Variants in INPP5K observed in about 807,000 individuals in gnomAD.
The protein encoded by INPP5K is inositol polyphosphate 5-phosphatase K.
INPP5K carries 35 observed loss-of-function variants against 53.5 expected under a neutral mutation model. The observed-to-expected ratio is 0.65, with a 90% CI of 0.50 to 0.87. The LOEUF is 0.87. INPP5K is among the 40% of genes least tolerant of loss of function. INPP5K has a pLI of 0.00. For missense variants in INPP5K, 550 were observed against 586.2 expected (o/e 0.94, Z 0.64); for synonymous variants, 253 against 232.8 (o/e 1.09, Z -0.79).
intron 1 of INPP5K, among the ~76,000 whole-genome samples, chr17:1,515,191 G>C (rs772431258): frequency 1.3e-5 from 2 of 152,172 alleles, no homozygotes; most frequent in Non-Finnish European, 1.5e-5. Flanking sequence ...TTACAGGCCT[G>C]AGCCACCGCG....
intron 3 of INPP5K, 109 bp from the exon 4 acceptor site, chr17:1,509,908 C>T (rs1187737208): frequency 4.4e-6 from 3 of 675,094 alleles, no homozygotes; most frequent in South Asian, 1.8e-5. Context: ...CATGCAGTGT[C>T]CTGCTCCAGG....
chr17:1,502,077 C>T (rs576648448), intron 7 of INPP5K, among the ~76,000 whole-genome samples: 20 of 150,856 alleles, frequency 1.3e-4, no homozygotes, highest in Non-Finnish European at 2.2e-4. Flanking sequence ...GGGCCAGGCA[C>T]GGTGGCTCAC....
At chr17:1,516,071 G>C (rs910402543) in intron 1 of INPP5K, 58 of 1,104,190 alleles carry the variant, frequency 5.3e-5, no homozygotes, top group Non-Finnish European at 6.1e-5. Flanking sequence ...TCTGATTTCG[G>C]ATTCCCGGGG....
intron 9 of INPP5K, 108 bp from the exon 10 acceptor site, chr17:1,496,510 C>T (rs1019681848): frequency 3.0e-6 from 4 of 1,318,258 alleles, no homozygotes; most frequent in Non-Finnish European, 4.3e-6. Context: ...TACTGTGTGC[C>T]TCCCCGCCGC....
intron 5 of INPP5K, 58 bp from the exon 6 acceptor site, chr17:1,508,284 C>G (rs1037668526): frequency 1.4e-5 from 19 of 1,368,646 alleles, no homozygotes; most frequent in Non-Finnish European, 1.8e-5. Context: ...GAAGGGAGAT[C>G]ACCAGGTGGC....
chr17:1,513,186 A>C (rs2075348331), intron 3 of INPP5K, among the ~76,000 whole-genome samples: 1 of 152,170 alleles, frequency 6.6e-6, no homozygotes, highest in South Asian at 2.1e-4. Flanking sequence ...GGTGATGACA[A>C]GCCCTGCTGC....
intron 7 of INPP5K, among the ~76,000 whole-genome samples, chr17:1,505,143 T>C (rs1352791248): frequency 6.8e-6 from 1 of 147,830 alleles, no homozygotes; most frequent in African/African-American, 2.5e-5. Flanking sequence ...TTAAAGAGGA[T>C]TTTTTTTTTT....
At chr17:1,512,490 C>A (rs545379897) in intron 3 of INPP5K, among the ~76,000 whole-genome samples, 78 of 152,230 alleles carry the variant, frequency 5.1e-4, no homozygotes, top group South Asian at 1.5e-3. Flanking sequence ...TGCCTCAGTA[C>A]CCCCAGGCAA....
intron 3 of INPP5K, 25 bp downstream of exon 3, chr17:1,513,428 A>T: frequency 6.4e-7 from 1 of 1,566,976 alleles, no homozygotes; most frequent in Non-Finnish European, 8.8e-7. Context: ...CACAGTTGTC[A>T]AGTGCCAATG....
intron 7 of INPP5K, among the ~76,000 whole-genome samples, chr17:1,500,472 C>T (rs1039869119): frequency 6.6e-6 from 1 of 151,830 alleles, no homozygotes; most frequent in Non-Finnish European, 1.5e-5. Flanking sequence ...TCATGCAATT[C>T]TCCTGCCTCA....
intron 7 of INPP5K, among the ~76,000 whole-genome samples, chr17:1,502,473 T>C (rs1205085325): frequency 6.6e-6 from 1 of 152,184 alleles, no homozygotes; most frequent in African/African-American, 2.4e-5. Flanking sequence ...TGTAAGGGTC[T>C]TCCCCAAGCC....
chr17:1,512,493 C>A (rs955388798), intron 3 of INPP5K, among the ~76,000 whole-genome samples: 1 of 152,134 alleles, frequency 6.6e-6, no homozygotes, highest in African/African-American at 2.4e-5. Flanking sequence ...CTCAGTACCC[C>A]CAGGCAAACT....
chr17:1,511,186 C>T (rs2075298641), intron 3 of INPP5K, among the ~76,000 whole-genome samples: 1 of 152,186 alleles, frequency 6.6e-6, no homozygotes, highest in South Asian at 2.1e-4. Flanking sequence ...AGTGCCTCCT[C>T]TCTCATTTAC....
Position 1,496,770 on chromosome 17 carries a change from GGAC to G in INPP5K, c.994_996del (p.Val332del), listed in dbSNP as rs764368031. The G allele has an allele frequency of 6.2e-7, 1 of 1,614,184 alleles. No homozygotes were observed. Among genetic ancestry groups the G allele is most frequent in the Admixed American group, 1.7e-5 (1 of 60,024 alleles). On this transcript the variant is annotated inframe_deletion, in exon 9 of 12. Coordinates refer to ENST00000421807, the MANE Select transcript of INPP5K (RefSeq NM_016532.4). ...ACGGTCCACAGGTCCTCGGGCATCAGGACGATCAGCGGAGCAGACACCAATGGC... is the reference window on the plus strand; with the variant it reads ...ACGGTCCACAGGTCCTCGGGCATCAGGATCAGCGGAGCAGACACCAATGGC...
At chr17:1,513,712 G>A (rs1399213648) in intron 2 of INPP5K, 151 bp from the exon 3 acceptor site, 1 of 898,438 alleles carries the variant, frequency 1.1e-6, no homozygotes, top group Non-Finnish European at 1.8e-6. Context: ...AGCCCCCTTT[G>A]CCGTTGCTGA....
chr17:1,514,782 C>T (rs1217828866), intron 1 of INPP5K, among the ~76,000 whole-genome samples: 1 of 152,078 alleles, frequency 6.6e-6, no homozygotes, highest in Non-Finnish European at 1.5e-5. Context: ...TTGTGATAGG[C>T]CTCAGCACTA....
chr17:1,501,121 A>G (rs190898159), intron 7 of INPP5K, among the ~76,000 whole-genome samples: 2 of 151,742 alleles, frequency 1.3e-5, no homozygotes, highest in Non-Finnish European at 1.5e-5. Flanking sequence ...CACCATGCCC[A>G]GCTAATTTTT....
chr17:1,499,375 C>A (rs1183039866), intron 7 of INPP5K, among the ~76,000 whole-genome samples: 2 of 152,126 alleles, frequency 1.3e-5, no homozygotes, highest in Non-Finnish European at 2.9e-5. Context: ...TGCCTGTAAT[C>A]CCAGCTACTC....
At chr17:1,510,922 C>G (rs982708342) in intron 3 of INPP5K, among the ~76,000 whole-genome samples, 1 of 152,240 alleles carries the variant, frequency 6.6e-6, no homozygotes, top group Non-Finnish European at 1.5e-5. Flanking sequence ...CCACTGTACT[C>G]GGCCTGCTCT....
Sources: gnomAD v4.1 joint callset for allele counts (sites outside exome capture counted in the v4.1 genomes callset) on GRCh38, gnomAD v4.1.1 for gene constraint, MANE v1.5 for transcripts, NCBI Gene and HGNC (gene_info 2026-07-23, HGNC 2026-07-21) for gene names.